The following PRKN variants were observed in gnomAD, a reference collection of about 807,000 sequenced individuals.
PRKN encodes parkin RBR E3 ubiquitin protein ligase.
PRKN carries 56 observed loss-of-function variants against 59.5 expected under a neutral mutation model. The ratio of observed to expected loss-of-function variants is 0.94; its 90% CI spans 0.76 to 1.18. The LOEUF is 1.18. Among genes scored for constraint, PRKN ranks in the 50% most tolerant of loss-of-function variants. The probability of loss-of-function intolerance (pLI) is 0.00; values close to 1 mark genes in which losing one functional copy is unlikely to be tolerated. For missense variants in PRKN, 657 were observed against 596.4 expected (o/e 1.10, Z -1.06); for synonymous variants, 250 against 222.1 (o/e 1.13, Z -1.12).
rs539739181 is a variant in PRKN at position 162,556,489 on chromosome 6, C to T, written c.8-113016G>A. Reference sequence around the variant, plus strand: ...TAATGCCGGGCGCAGTGGTTCACACCTGTAATCCCAGCACTTTGGGAGGCC... The same window carrying T: ...TAATGCCGGGCGCAGTGGTTCACACTTGTAATCCCAGCACTTTGGGAGGCC... On this transcript the variant is annotated intron_variant, in intron 1 of 11. Transcript: ENST00000366898. Among the ~76,000 whole-genome samples the T allele has an allele frequency of 2.0e-5, 3 of 151,518 alleles. No individual in the cohort carries two copies. In the East Asian group the frequency reaches 5.8e-4, roughly 29 times the overall value.
intron 9 of PRKN, among the ~76,000 whole-genome samples, chr6:161,485,655 G>T (rs1030215668): frequency 6.6e-6 from 1 of 152,090 alleles, no homozygotes; most frequent in Non-Finnish European, 1.5e-5. Flanking sequence ...TGATGAATTA[G>T]TTAGAAATCA....
chr6:161,962,958 A>G (rs931016663), intron 6 of PRKN, among the ~76,000 whole-genome samples: 4 of 152,182 alleles, frequency 2.6e-5, no homozygotes, highest in Non-Finnish European at 5.9e-5. Flanking sequence ...AAGACTGGCC[A>G]ACATGGCGAA....
chr6:162,309,973 C>G (rs775771853), intron 2 of PRKN, among the ~76,000 whole-genome samples: 4 of 152,102 alleles, frequency 2.6e-5, no homozygotes, highest in Non-Finnish European at 4.4e-5. Context: ...TTTGGTTTTC[C>G]CTTCCTGAAT....
chr6:162,229,392 C>T (rs564171991), intron 3 of PRKN, among the ~76,000 whole-genome samples: 2 of 152,196 alleles, frequency 1.3e-5, no homozygotes, highest in Non-Finnish European at 1.5e-5. Context: ...CTCTCACCAC[C>T]TTCAGAATGA....
rs939284317 is a variant in PRKN, at chr6:161,448,593, T to C, written c.1084-61716A>G. On this transcript the variant is annotated intron_variant, in intron 9 of 11. Coordinates refer to ENST00000366898, the MANE Select transcript of PRKN (RefSeq NM_004562.3). This position sits in a 1 kb window ranked among gnomAD's most constrained non-coding sequence, Gnocchi z 5.1. ...CTTTCTCTTTCTCTGTCCCCCGAGG[T>C]AGCATCTATGCTGACGTTCCCGTAT... Among the ~76,000 whole-genome samples, 1 of 152,216 alleles carries C rather than the reference T, an allele frequency of 6.6e-6. No homozygotes were observed. The highest frequency in any genetic ancestry group is 2.4e-5 in the African/African-American group (1 of 41,448).
chr6:162,180,955 A>T (rs1464422899), intron 4 of PRKN, among the ~76,000 whole-genome samples: 1 of 152,194 alleles, frequency 6.6e-6, no homozygotes, highest in Non-Finnish European at 1.5e-5. Flanking sequence ...TCCAAATAAC[A>T]TGATTCTAGT....
chr6:162,621,840 G>C (rs1244815098), intron 1 of PRKN, among the ~76,000 whole-genome samples: 2 of 152,106 alleles, frequency 1.3e-5, no homozygotes, highest in Non-Finnish European at 1.5e-5. Flanking sequence ...TACTGAGACA[G>C]AGTCTTGCTC....
chr6:161,631,046 T>C (rs1440377615), intron 7 of PRKN, among the ~76,000 whole-genome samples: 3 of 152,232 alleles, frequency 2.0e-5, no homozygotes, highest in South Asian at 2.1e-4. Flanking sequence ...CTGCTCCTGC[T>C]ACCCTCTTGG....
intron 3 of PRKN, among the ~76,000 whole-genome samples, chr6:162,221,630 G>A (rs1368869594): frequency 6.6e-6 from 1 of 152,090 alleles, no homozygotes; most frequent in Non-Finnish European, 1.5e-5. Context: ...GCCAAAATTT[G>A]ACATAGACTA....
chr6:161,515,560 C>T (rs1259741176), intron 9 of PRKN, among the ~76,000 whole-genome samples: 1 of 152,164 alleles, frequency 6.6e-6, no homozygotes, highest in Non-Finnish European at 1.5e-5. Context: ...AATTGTGTTA[C>T]TTCACATGTG....
chr6:161,889,643 C>T (rs998849717), intron 6 of PRKN, among the ~76,000 whole-genome samples: 4 of 152,056 alleles, frequency 2.6e-5, no homozygotes, highest in South Asian at 4.1e-4. Flanking sequence ...CTGGTTATGC[C>T]GGTAGCCACA....
At chr6:161,656,485 C>T (rs1367553789) in intron 7 of PRKN, among the ~76,000 whole-genome samples, 1 of 152,202 alleles carries the variant, frequency 6.6e-6, no homozygotes, top group African/African-American at 2.4e-5. Flanking sequence ...CAGCACCCCC[C>T]ACTGCTCTGA....
chr6:161,970,870 T>G (rs75209168), intron 6 of PRKN, among the ~76,000 whole-genome samples: 13,781 of 152,172 alleles, frequency 0.091, 731 homozygotes, highest in African/African-American at 0.14. Flanking sequence ...TATTGTGAAT[T>G]ATTTCTAAAT....
In PRKN at chr6:162,010,569, ATATAATGT is replaced by A. The variant is rs1441847154; in HGVS notation, c.619-37160_619-37153del. Among the ~76,000 whole-genome samples the A allele has an allele frequency of 7.3e-4, 10 of 13,682 alleles. 4 individuals carry two copies. Among genetic ancestry groups the A allele is most frequent in the Non-Finnish European group, 1.9e-4 (2 of 10,362 alleles). The allele number at this position is 13,682 out of a possible 152,430, so 9.0% of individuals were successfully genotyped here. ...TATATTATATATTATATAATATATT[ATATAATGT>A]ATTATATTATATATAATATAATATA... On this transcript the variant is annotated intron_variant, in intron 5 of 11. Coordinates refer to ENST00000366898, the MANE Select transcript of PRKN (RefSeq NM_004562.3).
At chr6:161,474,934 G>A (rs1790991929) in intron 9 of PRKN, among the ~76,000 whole-genome samples, 1 of 144,694 alleles carries the variant, frequency 6.9e-6, no homozygotes, top group African/African-American at 2.6e-5. Context: ...TTGAGATGAA[G>A]TCTCTCTGTC....
At chr6:161,513,587 T>C (rs939224562) in intron 9 of PRKN, among the ~76,000 whole-genome samples, 1 of 151,968 alleles carries the variant, frequency 6.6e-6, no homozygotes, top group African/African-American at 2.4e-5. Flanking sequence ...AGATAAATTT[T>C]TGAAGGTAAA....
intron 2 of PRKN, among the ~76,000 whole-genome samples, chr6:162,281,793 A>G (rs1196639131): frequency 1.3e-5 from 2 of 152,200 alleles, no homozygotes; most frequent in African/African-American, 4.8e-5. Flanking sequence ...CCTAAAATCC[A>G]GTTATGCAGT....
chr6:162,414,642 C>A (rs1239048680), intron 2 of PRKN, among the ~76,000 whole-genome samples: 3 of 141,510 alleles, frequency 2.1e-5, no homozygotes, highest in Non-Finnish European at 4.5e-5. Context: ...GCCCAGGAGG[C>A]GGAGGTTGCA....
chr6:161,444,695 C>A lies in PRKN; in HGVS notation c.1084-57818G>T, dbSNP rs1056805656. Among the ~76,000 whole-genome samples, 2 of 152,218 alleles carry A rather than the reference C, an allele frequency of 1.3e-5. No homozygotes were observed. The highest frequency in any genetic ancestry group is 4.8e-5 in the African/African-American group (2 of 41,454). On this transcript the variant is annotated intron_variant, in intron 9 of 11. Coordinates refer to ENST00000366898, the MANE Select transcript of PRKN (RefSeq NM_004562.3). This position sits in a 1 kb window ranked among gnomAD's most constrained non-coding sequence, Gnocchi z 5.6. The stretch of plus-strand genomic sequence containing the variant: ...CTCCTGAGTAACAGCGAGCTTTGCA[C>A]GAGCGCTACCGCGTGGCGGTGGAAA...
Sources: allele counts gnomAD v4.1 joint callset (sites outside exome capture counted in the v4.1 genomes callset), GRCh38; gene constraint gnomAD v4.1.1; non-coding constraint Gnocchi (gnomAD v3.1); transcripts MANE v1.5; gene names NCBI Gene and HGNC (gene_info 2026-07-23, HGNC 2026-07-21).